The following RABGAP1L variants were observed in gnomAD, a reference collection of about 807,000 sequenced individuals.
RABGAP1L encodes the protein RAB GTPase activating protein 1 like, also known as rab GTPase-activating protein 1-like.
In RABGAP1L, 63 loss-of-function variants were observed where a neutral mutation model predicts 137.7. The observed-to-expected ratio is 0.46, with a 90% CI of 0.37 to 0.56. The LOEUF (loss-of-function observed/expected upper bound fraction) is 0.56. Ranked by LOEUF, RABGAP1L falls within the 20% of genes least tolerant of loss-of-function variation. RABGAP1L has a pLI of 0.00. For synonymous variants in RABGAP1L, 431 were observed against 433.7 expected (o/e 0.99, Z 0.08); for missense variants, 1,095 against 1,244.0 (o/e 0.88, Z 1.80).
chr1:174,417,454 A>C (rs1190630527), intron 13 of RABGAP1L, among the ~76,000 whole-genome samples: 1 of 152,248 alleles, frequency 6.6e-6, no homozygotes, highest in Non-Finnish European at 1.5e-5. Context: ...AGGTAGATGC[A>C]GTTCTACTGG....
At chr1:174,504,566 G>A (rs577115563) in intron 13 of RABGAP1L, among the ~76,000 whole-genome samples, 7 of 152,046 alleles carry the variant, frequency 4.6e-5, no homozygotes, top group Admixed American at 6.5e-5. Flanking sequence ...GGGCCCAGAA[G>A]TAAATACATT....
intron 19 of RABGAP1L, among the ~76,000 whole-genome samples, chr1:174,911,534 G>C (rs1042873512): frequency 2.6e-4 from 40 of 152,272 alleles, no homozygotes; most frequent in African/African-American, 9.1e-4. Flanking sequence ...GGAGACTGGA[G>C]ATAAATTTTG....
chr1:174,535,878 G>A (rs1011674229), intron 13 of RABGAP1L, among the ~76,000 whole-genome samples: 8 of 152,032 alleles, frequency 5.3e-5, no homozygotes, highest in Non-Finnish European at 1.0e-4. Context: ...AATTAAATAT[G>A]TATAATTTTA....
intron 11 of RABGAP1L, among the ~76,000 whole-genome samples, chr1:174,311,616 A>AT (rs1209088713): frequency 5.9e-5 from 9 of 151,876 alleles, no homozygotes; most frequent in African/African-American, 1.7e-4. Context: ...CTTTATTTTT[A>AT]TTTTTTTGAG....
chr1:174,223,167 C>T (rs1390508840), intron 3 of RABGAP1L, among the ~76,000 whole-genome samples: 1 of 145,332 alleles, frequency 6.9e-6, no homozygotes, highest in Non-Finnish European at 1.5e-5. Flanking sequence ...ACTCAGGAGG[C>T]TGAGGCGAGA....
In RABGAP1L at chr1:174,448,803, G is replaced by A. The variant is rs200286780; in HGVS notation, c.1710+54658G>A. 2.6e-4 allele frequency: 424 copies of A among 1,613,870 alleles called. No homozygotes were observed. Among genetic ancestry groups the A allele is most frequent in the African/African-American group, 7.1e-4 (53 of 74,986 alleles). Reference sequence around the variant, plus strand: ...TACTTCCACATTTTCAAAATTTGCCGTCAGCACACCAAAGAGATAAATGAC... The same window carrying A: ...TACTTCCACATTTTCAAAATTTGCCATCAGCACACCAAAGAGATAAATGAC... On this transcript the variant is annotated intron_variant, in intron 13 of 25. Transcript: ENST00000681986. The surrounding 1 kb of genome is among the most constrained non-coding windows in gnomAD (Gnocchi z 4.2).
chr1:174,397,602 T>C (rs1249603905), intron 13 of RABGAP1L, among the ~76,000 whole-genome samples: 1 of 152,214 alleles, frequency 6.6e-6, no homozygotes, highest in African/African-American at 2.4e-5. Flanking sequence ...ATTACATCTT[T>C]TTTGAAATAG....
intron 6 of RABGAP1L, among the ~76,000 whole-genome samples, chr1:174,251,128 A>C (rs919962959): frequency 6.6e-6 from 1 of 152,218 alleles, no homozygotes; most frequent in African/African-American, 2.4e-5. Flanking sequence ...ATGATTTAAA[A>C]AATACTGATA....
intron 13 of RABGAP1L, among the ~76,000 whole-genome samples, chr1:174,519,363 T>C (rs938096788): frequency 1.3e-5 from 2 of 152,010 alleles, no homozygotes; most frequent in African/African-American, 2.4e-5. Context: ...TGGAGTCCGA[T>C]GTTTGAGGGC....
chr1:174,597,713 C>T (rs1478101381), intron 13 of RABGAP1L, among the ~76,000 whole-genome samples: 1 of 151,826 alleles, frequency 6.6e-6, no homozygotes, highest in Non-Finnish European at 1.5e-5. Flanking sequence ...TGTTCTTTTT[C>T]TCTTTCCAAT....
intron 15 of RABGAP1L, among the ~76,000 whole-genome samples, chr1:174,693,837 T>C (rs1315164034): frequency 6.6e-6 from 1 of 152,196 alleles, no homozygotes; most frequent in African/African-American, 2.4e-5. Context: ...ATTTTAAAAG[T>C]ACAGTTAAAG....
intron 14 of RABGAP1L, among the ~76,000 whole-genome samples, chr1:174,669,357 A>G (rs928432218): frequency 2.8e-4 from 42 of 152,256 alleles, no homozygotes; most frequent in African/African-American, 5.3e-4. Flanking sequence ...GCAATTCAAG[A>G]TGAGATTTTA....
intron 19 of RABGAP1L, among the ~76,000 whole-genome samples, chr1:174,835,127 A>G (rs1299547032): frequency 1.3e-5 from 2 of 152,154 alleles, no homozygotes; most frequent in African/African-American, 4.8e-5. Context: ...AAGACTTGAG[A>G]GTGAGTAAAA....
At chr1:174,529,048 A>G (rs1664167872) in intron 13 of RABGAP1L, among the ~76,000 whole-genome samples, 1 of 140,924 alleles carries the variant, frequency 7.1e-6, no homozygotes, top group South Asian at 2.1e-4. Flanking sequence ...CATGTCCTGA[A>G]TTATCTTTTG....
intron 19 of RABGAP1L, among the ~76,000 whole-genome samples, chr1:174,880,875 T>A (rs1654083898): frequency 1.3e-5 from 2 of 152,028 alleles, no homozygotes; most frequent in Admixed American, 6.6e-5. Flanking sequence ...GTATGAACCA[T>A]CACACCCAGC....
intron 13 of RABGAP1L, among the ~76,000 whole-genome samples, chr1:174,513,027 T>A (rs1662494312): frequency 6.6e-6 from 1 of 152,208 alleles, no homozygotes; most frequent in South Asian, 2.1e-4. Flanking sequence ...TAAGTTTCTG[T>A]TATAGTACCA....
chr1:174,885,750 G>T (rs568793948), intron 19 of RABGAP1L, among the ~76,000 whole-genome samples: 1 of 152,002 alleles, frequency 6.6e-6, no homozygotes, highest in Non-Finnish European at 1.5e-5. Flanking sequence ...AGTGGATCAC[G>T]AGGTCAGGAG....
chr1:174,658,828 A>T (rs1049263886), intron 14 of RABGAP1L, among the ~76,000 whole-genome samples: 1 of 152,194 alleles, frequency 6.6e-6, no homozygotes, highest in African/African-American at 2.4e-5. Flanking sequence ...TCCGTTCTTC[A>T]TGAGTTTTAC....
At chr1:174,909,584 A>G (rs1343502801) in intron 19 of RABGAP1L, among the ~76,000 whole-genome samples, 1 of 152,240 alleles carries the variant, frequency 6.6e-6, no homozygotes, top group Non-Finnish European at 1.5e-5. Context: ...TATGAGAACA[A>G]TAGAAAAGAT....
Sources: gnomAD v4.1 joint callset for allele counts (sites outside exome capture counted in the v4.1 genomes callset) on GRCh38, gnomAD v4.1.1 for gene constraint, Gnocchi (gnomAD v3.1) non-coding constraint, MANE v1.5 for transcripts, NCBI Gene and HGNC (gene_info 2026-07-23, HGNC 2026-07-21) for gene names.